ADAM8: variants seen among roughly 807,000 people sequenced by gnomAD.
The protein encoded by ADAM8 is disintegrin and metalloproteinase domain-containing protein 8.
Under a neutral mutation model 102.4 loss-of-function variants are expected in ADAM8, and 104 were observed. That is an observed-to-expected ratio of 1.02 (90% CI 0.87 to 1.20). ADAM8 has a LOEUF of 1.20. Ranked by LOEUF, ADAM8 falls within the 50% of genes most tolerant of loss-of-function variation. The probability of loss-of-function intolerance (pLI) is 0.00; values close to 1 mark genes in which losing one functional copy is unlikely to be tolerated. For missense variants in ADAM8, 1,132 were observed against 1,159.0 expected (o/e 0.98, Z 0.34); for synonymous variants, 517 against 485.2 (o/e 1.07, Z -0.86).
Position 133,272,246 on chromosome 10 carries a change from C to T in ADAM8, c.904G>A (p.Gly302Arg). ...CACATGGCGGACACCCTGGCAAACCCCACGGTAGTCCCGGTGAAGTCGACA... is the reference window on the plus strand; with the variant it reads ...CACATGGCGGACACCCTGGCAAACCTCACGGTAGTCCCGGTGAAGTCGACA... Reference protein sequence around the residue: ...TGVDFTGTTVGFARVSAMCSH... With the variant: ...TGVDFTGTTVRFARVSAMCSH... The change falls in exon 10 of 23, where the codon GGG (glycine) becomes AGG (arginine). Residue 302 changes from glycine to arginine, a missense_variant. Gly to Arg is a moderately radical substitution (Grantham distance 125). Transcript: ENST00000445355. 1 of 1,544,766 alleles carries T rather than the reference C, an allele frequency of 6.5e-7. No homozygotes were observed. The highest frequency in any genetic ancestry group is 8.7e-7 in the Non-Finnish European group (1 of 1,143,002).
intron 2 of ADAM8, among the ~76,000 whole-genome samples, chr10:133,274,611 C>T (rs1846680241): frequency 1.3e-5 from 2 of 152,162 alleles, no homozygotes; most frequent in African/African-American, 4.8e-5. Flanking sequence ...TCCTCCCAGG[C>T]CTCAGTTTCC....
chr10:133,265,273 GCTGCAGCCTCTGCC>G lies in ADAM8; in HGVS notation c.2320-1522_2320-1509del, dbSNP rs1564919076. On this transcript the variant is annotated intron_variant, in intron 21 of 22. Transcript: ENST00000445355. ...CCATCTACCGCCACGCCCGGCTCCT[GCTGCAGCCTCTGCC>G]CCATCTACCACCACGCCCGGCTCCT... Among the ~76,000 whole-genome samples the G allele has an allele frequency of 8.0e-5, 11 of 138,236 alleles. 2 individuals carry two copies. The highest frequency in any genetic ancestry group is 6.4e-4 in the Admixed American group (9 of 13,976). 90.7% of individuals were successfully genotyped at this position (138,236 alleles called of 152,430 possible). A position where few individuals can be genotyped will look rare whatever the true frequency, so the allele number is the denominator to read the frequency against.
chr10:133,262,749 C>T lies in ADAM8; in HGVS notation c.*407G>A. ...GAGTCTTTCTGGGGATGCCCCACGT[C>T]TGTGCTGCCTGGAACCGGGTGCCCA... On this transcript the variant is annotated 3_prime_UTR_variant, in exon 23 of 23. Transcript: ENST00000445355. 5.2e-6 allele frequency: 1 copy of T among 190,856 alleles called. No homozygotes were observed. Among genetic ancestry groups the T allele is most frequent in the Non-Finnish European group, 1.1e-5 (1 of 91,174 alleles). The allele number at this position is 190,856 out of a possible 1,614,324, so 11.8% of individuals were successfully genotyped here.
At chr10:133,265,757 C>A (rs1846306664) in intron 21 of ADAM8, among the ~76,000 whole-genome samples, 1 of 151,664 alleles carries the variant, frequency 6.6e-6, no homozygotes, top group East Asian at 1.9e-4. Flanking sequence ...GAGATCGCGC[C>A]ACTGCACTCC....
At chr10:133,273,922 C>G (rs1015473273) in intron 4 of ADAM8, 29 bp downstream of exon 4, 1 of 1,573,762 alleles carries the variant, frequency 6.4e-7, no homozygotes, top group Admixed American at 1.9e-5. Context: ...CCCCTACCTG[C>G]CCGCCCAGCT....
rs376159121 is a variant in ADAM8, at chr10:133,267,987, G to A, written c.2195C>T (p.Pro732Leu). The change falls in exon 20 of 23, where the codon CCG becomes CTG. Residue 732 changes from proline to leucine, a missense_variant. Transcript: ENST00000445355. ...GGCCGGGTGTCGGGCGGGCTGGCCC[G>A]GGTGGGTGGTGGGGACCAGCTCTTG... Reference protein sequence around the residue: ...GPQELVPTTHPGQPARHPASS... With the variant: ...GPQELVPTTHLGQPARHPASS... 354 of 1,261,094 alleles carry A rather than the reference G, an allele frequency of 2.8e-4. No homozygotes were observed. Among genetic ancestry groups the A allele is most frequent in the Middle Eastern group, 5.5e-4 (2 of 3,658 alleles). 78.1% of individuals were successfully genotyped at this position (1,261,094 alleles called of 1,614,324 possible).
intron 19 of ADAM8, 148 bp from the exon 20 acceptor site, chr10:133,268,266 G>T: frequency 1.3e-6 from 1 of 753,492 alleles, no homozygotes; most frequent in Non-Finnish European, 1.9e-6. Context: ...CCCAGGAGGT[G>T]GGGCGGACCC....
At chr10:133,268,268 G>A in intron 19 of ADAM8, 150 bp from the exon 20 acceptor site, 1 of 747,804 alleles carries the variant, frequency 1.3e-6, no homozygotes, top group East Asian at 3.4e-5. Flanking sequence ...CAGGAGGTGG[G>A]GCGGACCCTG....
Position 133,269,881 on chromosome 10 carries a change from G to A in ADAM8, c.1863+16C>T, listed in dbSNP as rs530476924. ...AGCCTCTGTGCAGGGGCCCTGTCCC[G>A]AGAGGCCACACATACCCCATGGTTG... On this transcript the variant is annotated intron_variant, in intron 17 of 22. Transcript: ENST00000445355. The A allele has an allele frequency of 5.6e-5, 91 of 1,612,154 alleles. No homozygotes were observed. In the Admixed American group the frequency reaches 5.8e-4, roughly 10 times the overall value.
At chr10:133,268,953 C>G in intron 18 of ADAM8, 91 bp from the exon 19 acceptor site, 1 of 1,524,510 alleles carries the variant, frequency 6.6e-7, no homozygotes, top group Non-Finnish European at 8.8e-7. Context: ...TTTCTCAGCA[C>G]CCCCAGGCTG....
At position 133,268,026 on chromosome 10, in the gene ADAM8, G is replaced by A. The variant is rs181819441; in HGVS notation, c.2156C>T (p.Pro719Leu). The change falls in exon 20 of 23, where the codon CCA becomes CTA. Residue 719 changes from proline to leucine, a missense_variant. Physicochemically the swap from Pro to Leu is moderately conservative, Grantham distance 98. Transcript: ENST00000445355. ...GACCAGCTCTTGGGGGCCCCTGGAT[G>A]GGGCTGGAGCCCCGCCCTTGGCCGG... ...RVPAKGGAPA[P>L]SRGPQELVPT... 1.1e-3 allele frequency: 1,413 copies of A among 1,261,948 alleles called. 26 individuals carry two copies. In the East Asian group the frequency reaches 0.037, roughly 33 times the overall value. The allele number at this position is 1,261,948 out of a possible 1,614,324, so 78.2% of individuals were successfully genotyped here.
chr10:133,274,355 A>G, intron 2 of ADAM8, 120 bp from the exon 3 acceptor site: 1 of 717,056 alleles, frequency 1.4e-6, no homozygotes, highest in Non-Finnish European at 2.0e-6. Context: ...CCCCAGGTCA[A>G]GGCTCCATCC....
At chr10:133,272,666 T>G (rs1214472645) in intron 8 of ADAM8, 81 bp from the exon 9 acceptor site, 1 of 1,542,422 alleles carries the variant, frequency 6.5e-7, no homozygotes, top group Non-Finnish European at 8.7e-7. Context: ...AGGATGCACC[T>G]GTCCCACGGC....
Position 133,273,986 on chromosome 10 carries a change from T to G in ADAM8, c.271A>C (p.Asn91His), listed in dbSNP as rs1564927612. The G allele has an allele frequency of 6.2e-7, 1 of 1,607,014 alleles. No homozygotes were observed. Among genetic ancestry groups the G allele is most frequent in the Non-Finnish European group, 8.5e-7 (1 of 1,178,494 alleles). ...GGCTGCTCCGTCACCTCGGAGCCAT[T>G]GGCAGCCGTATAGGTCTCTGTGTAG... is the stretch of plus-strand genomic sequence containing the variant. ...SGYTETYTAA[N>H]GSEVTEQPRG... is the part of the protein sequence containing the mutation. The change falls in exon 4 of 23, where the codon AAT becomes CAT. Residue 91 changes from asparagine to histidine, a missense_variant. Coordinates refer to ENST00000445355, the MANE Select transcript of ADAM8 (RefSeq NM_001109.5).
rs1846596588 is a variant in ADAM8 at position 133,272,884 on chromosome 10, TCAGGCTG to T, written c.637-25_637-19del. 4 of 1,610,716 alleles carry T rather than the reference TCAGGCTG, an allele frequency of 2.5e-6. No homozygotes were observed. Among genetic ancestry groups the T allele is most frequent in the Non-Finnish European group, 3.4e-6 (4 of 1,178,580 alleles). ...ATCTGGAACTGGGGACACGAGACCC[TCAGGCTG>T]GAGCCCACACACCCCCCATGCCCCC... On this transcript the variant is annotated intron_variant, in intron 7 of 22. Transcript: ENST00000445355.
Position 133,273,262 on chromosome 10 carries a change from GA to G in ADAM8, c.564del (p.Arg189GlyfsTer42). 6.2e-7 allele frequency: 1 copy of G among 1,601,818 alleles called. No individual in the cohort carries two copies. ...GAGACAAGGGTGCTCACCCCGGGCC[GA>G]GGCCTGAAGACGGCTGCCGTCCGGG... Reference protein sequence around the residue: ...LGPRTAAVFRPRPGDSLPSRE... With the variant: ...LGPRTAAVFRXRPGDSLPSRE... On this transcript the variant is annotated frameshift_variant, in exon 6 of 23. Transcript: ENST00000445355. LOFTEE classifies it high-confidence loss of function.
chr10:133,262,749 C>A lies in ADAM8; in HGVS notation c.*407G>T. ...GAGTCTTTCTGGGGATGCCCCACGT[C>A]TGTGCTGCCTGGAACCGGGTGCCCA... On this transcript the variant is annotated 3_prime_UTR_variant, in exon 23 of 23. Coordinates refer to ENST00000445355, the MANE Select transcript of ADAM8 (RefSeq NM_001109.5). The A allele has an allele frequency of 5.2e-6, 1 of 190,856 alleles. No homozygotes were observed. The highest frequency in any genetic ancestry group is 1.1e-5 in the Non-Finnish European group (1 of 91,174). The allele number at this position is 190,856 out of a possible 1,614,324, so 11.8% of individuals were successfully genotyped here.
At chr10:133,273,676 T>C (rs1035249596) in intron 5 of ADAM8, 86 bp downstream of exon 5, 12 of 1,413,040 alleles carry the variant, frequency 8.5e-6, no homozygotes, top group Admixed American at 6.2e-5. Context: ...GGAGGCACCC[T>C]CCCTGCCTCC....
At position 133,270,458 on chromosome 10, in the gene ADAM8, G is replaced by GC; in HGVS notation, c.1686dup (p.Arg563AlafsTer21). 2 of 1,604,798 alleles carry GC rather than the reference G, an allele frequency of 1.2e-6. No individual in the cohort carries two copies. The highest frequency in any genetic ancestry group is 1.7e-6 in the Non-Finnish European group (2 of 1,173,564). On this transcript the variant is annotated frameshift_variant, in exon 16 of 23. Coordinates refer to ENST00000445355, the MANE Select transcript of ADAM8 (RefSeq NM_001109.5). LOFTEE classifies it high-confidence loss of function. ...CACACATCCACGATGCAGATGGCAC[G>GC]CCCCAGGGGCTGCTGCCCACCCTTG...
Sources: gnomAD v4.1 joint callset for allele counts (sites outside exome capture counted in the v4.1 genomes callset) on GRCh38, gnomAD v4.1.1 for gene constraint, MANE v1.5 for transcripts, NCBI Gene and HGNC (gene_info 2026-07-23, HGNC 2026-07-21) for gene names.